Variants in HMGB1 observed in about 807,000 individuals in gnomAD.
HMGB1 encodes high mobility group protein B1.
For missense variants in HMGB1, 79 were observed against 253.5 expected (o/e 0.31, Z 4.67); for synonymous variants, 81 against 84.0 (o/e 0.96, Z 0.19).
At chr13:30,492,880 A>C (rs898150722) in intron 1 of HMGB1, among the ~76,000 whole-genome samples, 9 of 150,838 alleles carry the variant, frequency 6.0e-5, no homozygotes, top group Admixed American at 4.0e-4. Context: ...AGTCCCAGCT[A>C]CTCAGGAGCC....
At chr13:30,500,991 T>A (rs9508760) in intron 1 of HMGB1, among the ~76,000 whole-genome samples, 11 of 55,766 alleles carry the variant, frequency 2.0e-4, no homozygotes, top group Admixed American at 4.4e-4. Context: ...GCTAATTTTT[T>A]AAAAAATTTT....
In HMGB1 at chr13:30,461,494, C is replaced by A. The variant is rs1250173305; in HGVS notation, c.511G>T (p.Ala171Ser). Residue 171 changes from alanine to serine, a missense_variant, in exon 5 of 5, where the codon GCA becomes TCA. Ala to Ser is a moderately conservative substitution (Grantham distance 99, BLOSUM62 1). Transcript: ENST00000341423. Reference protein sequence around the residue: ...AYRAKGKPDAAKKGVVKAEKS... With the variant: ...AYRAKGKPDASKKGVVKAEKS... ...TCAGCCTTGACAACTCCCTTTTTTG[C>A]TGCATCAGGCTTTCCTTTAGCTCGA... 8 of 1,564,198 alleles carry A rather than the reference C, an allele frequency of 5.1e-6. No homozygotes were observed. The highest frequency in any genetic ancestry group is 2.7e-5 in the African/African-American group (2 of 73,394).
intron 1 of HMGB1, among the ~76,000 whole-genome samples, chr13:30,586,479 GTT>G (rs11315470): frequency 0.45 from 48,948 of 107,904 alleles, 10,361 homozygotes; most frequent in Middle Eastern, 0.61. Flanking sequence ...GGTTTTTTTT[GTT>G]TTTTTTTTTT....
At chr13:30,512,143 G>C (rs563910976) in intron 1 of HMGB1, among the ~76,000 whole-genome samples, 1 of 148,444 alleles carries the variant, frequency 6.7e-6, no homozygotes, top group East Asian at 2.0e-4. Flanking sequence ...GTGAGAGCTT[G>C]TCTCTTAAAA....
At chr13:30,532,653 C>T (rs1416492894) in intron 1 of HMGB1, among the ~76,000 whole-genome samples, 2 of 152,186 alleles carry the variant, frequency 1.3e-5, no homozygotes, top group Middle Eastern at 3.4e-3. Flanking sequence ...GGACTACAGG[C>T]ATGCACCATC....
chr13:30,608,847 A>T (rs1950485376), intron 1 of HMGB1, among the ~76,000 whole-genome samples: 1 of 152,250 alleles, frequency 6.6e-6, no homozygotes, highest in Admixed American at 6.5e-5. Context: ...CAGATAAAAA[A>T]GGTGGGGCAT....
Position 30,462,339 on chromosome 13 carries a change from TTTGTC to T in HMGB1, c.471+194_471+198del, listed in dbSNP as rs1438647010. 168 of 645,826 alleles carry T rather than the reference TTTGTC, an allele frequency of 2.6e-4. 1 individual carries two copies. The highest frequency in any genetic ancestry group is 1.9e-3 in the South Asian group (118 of 63,314). The allele number at this position is 645,826 out of a possible 1,614,324, so 40.0% of individuals were successfully genotyped here. A position where few individuals can be genotyped will look rare whatever the true frequency, so the allele number is the denominator to read the frequency against. On this transcript the variant is annotated intron_variant, in intron 4 of 4. Transcript: ENST00000341423. ...AAAACCAACATAAATGTACACAGCCTTTGTCTGAGTCTGATTACATTTTAGTCAAA... is the reference window on the plus strand; with the variant it reads ...AAAACCAACATAAATGTACACAGCCTTGAGTCTGATTACATTTTAGTCAAA...
At chr13:30,606,485 T>TGACAA (rs775026350) in intron 1 of HMGB1, among the ~76,000 whole-genome samples, 9 of 152,272 alleles carry the variant, frequency 5.9e-5, no homozygotes, top group African/African-American at 2.2e-4. Context: ...TTATTGATCA[T>TGACAA]ATTACATTTG....
intron 1 of HMGB1, among the ~76,000 whole-genome samples, chr13:30,574,823 AACTGCATG>A (rs1222116070): frequency 2.0e-5 from 3 of 152,236 alleles, no homozygotes; most frequent in African/African-American, 7.2e-5. Flanking sequence ...TTATGATGCT[AACTGCATG>A]CTAACCAGAC....
intron 1 of HMGB1, among the ~76,000 whole-genome samples, chr13:30,505,932 C>T (rs977764862): frequency 6.6e-6 from 1 of 151,780 alleles, no homozygotes; most frequent in Non-Finnish European, 1.5e-5. Context: ...GTCATGTTCG[C>T]CAGGCTGGTC....
chr13:30,588,585 G>A (rs528177566), intron 1 of HMGB1, among the ~76,000 whole-genome samples: 1 of 152,328 alleles, frequency 6.6e-6, no homozygotes, highest in African/African-American at 2.4e-5. Context: ...TTAAAGTTGA[G>A]TCAAAAGAGT....
At chr13:30,526,943 A>C (rs1888381210) in intron 1 of HMGB1, among the ~76,000 whole-genome samples, 1 of 152,246 alleles carries the variant, frequency 6.6e-6, no homozygotes, top group Admixed American at 6.5e-5. Context: ...ATGTCTGCTC[A>C]TTCCTAACCG....
intron 1 of HMGB1, among the ~76,000 whole-genome samples, chr13:30,477,185 C>T (rs1181291210): frequency 2.0e-5 from 3 of 152,326 alleles, no homozygotes; most frequent in African/African-American, 7.2e-5. Flanking sequence ...ACATTCTTGG[C>T]TTTCAAGGTC....
At chr13:30,549,624 G>GCC (rs1869329579) in intron 1 of HMGB1, among the ~76,000 whole-genome samples, 2 of 151,980 alleles carry the variant, frequency 1.3e-5, no homozygotes, top group Admixed American at 1.3e-4. Flanking sequence ...TGAACTCCTG[G>GCC]CCTCAACAGA....
chr13:30,587,481 C>T (rs1871202686), intron 1 of HMGB1, among the ~76,000 whole-genome samples: 1 of 152,138 alleles, frequency 6.6e-6, no homozygotes, highest in South Asian at 2.1e-4. Flanking sequence ...GCCACCACAC[C>T]CAGCAGAAAT....
At chr13:30,494,866 C>T (rs1168488459) in intron 1 of HMGB1, among the ~76,000 whole-genome samples, 1 of 152,148 alleles carries the variant, frequency 6.6e-6, no homozygotes, top group Non-Finnish European at 1.5e-5. Context: ...TTTGACTACT[C>T]TAGGTGGTAG....
intron 1 of HMGB1, among the ~76,000 whole-genome samples, chr13:30,580,379 T>C (rs1156512574): frequency 6.6e-6 from 1 of 152,200 alleles, no homozygotes; most frequent in Non-Finnish European, 1.5e-5. Flanking sequence ...GAAAAAGATA[T>C]TTGGTAATCT....
At chr13:30,462,503 GTCA>G (rs1886419192) in intron 4 of HMGB1, 32 bp downstream of exon 4, 7 of 1,537,532 alleles carry the variant, frequency 4.6e-6, no homozygotes, top group Admixed American at 1.7e-5. Context: ...TGGCGTACTT[GTCA>G]TCATTTTACC....
chr13:30,497,008 C>G (rs1887623050), intron 1 of HMGB1, among the ~76,000 whole-genome samples: 1 of 152,156 alleles, frequency 6.6e-6, no homozygotes, highest in East Asian at 1.9e-4. Context: ...AAGCCATCCC[C>G]TCCCCAGCCT....
Sources: allele counts gnomAD v4.1 joint callset (sites outside exome capture counted in the v4.1 genomes callset), GRCh38; gene constraint gnomAD v4.1.1; transcripts MANE v1.5; gene names NCBI Gene and HGNC (gene_info 2026-07-23, HGNC 2026-07-21).